The following B3GALT1 variants were observed in gnomAD, a reference collection of about 807,000 sequenced individuals.
The protein encoded by B3GALT1 is UDP-Gal:betaGlcNAc beta 1,3-galactosyltransferase, polypeptide 1.
B3GALT1 carries 10 observed loss-of-function variants against 23.2 expected under a neutral mutation model. That is an observed-to-expected ratio of 0.43 (90% confidence interval 0.27 to 0.73). The LOEUF (loss-of-function observed/expected upper bound fraction) is 0.73. Ranked by LOEUF, B3GALT1 falls within the 30% of genes least tolerant of loss-of-function variation. The pLI is 0.21. For missense variants in B3GALT1, 299 were observed against 405.4 expected (o/e 0.74, Z 2.25); for synonymous variants, 156 against 141.5 (o/e 1.10, Z -0.73).
intron 1 of B3GALT1, among the ~76,000 whole-genome samples, chr2:167,470,878 C>T (rs1169812282): frequency 6.6e-6 from 1 of 152,160 alleles, no homozygotes; most frequent in Non-Finnish European, 1.5e-5. Flanking sequence ...ATACCTTGAT[C>T]AATTTCATAT....
At chr2:167,706,544 C>G (rs1686969950) in intron 3 of B3GALT1, among the ~76,000 whole-genome samples, 1 of 152,188 alleles carries the variant, frequency 6.6e-6, no homozygotes, top group African/African-American at 2.4e-5. Context: ...ATACACACTC[C>G]TCAATGGTGA....
At chr2:167,294,281 A>C (rs1270509133) in intron 1 of B3GALT1, among the ~76,000 whole-genome samples, 1 of 152,224 alleles carries the variant, frequency 6.6e-6, no homozygotes, top group Non-Finnish European at 1.5e-5. Flanking sequence ...GACAAAGTTC[A>C]GGCCCGCTGG....
At chr2:167,811,310 C>T (rs1688884984) in intron 3 of B3GALT1, among the ~76,000 whole-genome samples, 1 of 152,214 alleles carries the variant, frequency 6.6e-6, no homozygotes, top group Non-Finnish European at 1.5e-5. Context: ...TCTCTTTCTA[C>T]TCATGGCATT....
Position 167,415,415 on chromosome 2 carries a change from A to C in B3GALT1, c.-510-74762A>C, listed in dbSNP as rs556955439. 3.9e-5 allele frequency among the ~76,000 whole-genome samples: 6 copies of C among 152,192 alleles called. No individual in the cohort carries two copies. The South Asian group carries it at 1.2e-3, about 32-fold the overall frequency. On this transcript the variant is annotated intron_variant, in intron 1 of 4. Transcript: ENST00000392690. ...TTAGCTTCTATAACTGGGAGAAGTA[A>C]ATTTCTTTTATTCATAAATTACCCA...
At chr2:167,559,786 C>T (rs1053594061) in intron 2 of B3GALT1, among the ~76,000 whole-genome samples, 14 of 152,130 alleles carry the variant, frequency 9.2e-5, no homozygotes, top group Admixed American at 2.0e-4. Flanking sequence ...ACAAAGCCTC[C>T]AAGAAATATG....
At chr2:167,645,551 T>A (rs1685733913) in intron 2 of B3GALT1, among the ~76,000 whole-genome samples, 1 of 112,600 alleles carries the variant, frequency 8.9e-6, no homozygotes, top group Non-Finnish European at 1.8e-5. Context: ...CCACTGCCAA[T>A]AATTTTTTTT....
chr2:167,524,759 A>G lies in B3GALT1; in HGVS notation c.-410+34482A>G, dbSNP rs542456007. 5.9e-5 allele frequency among the ~76,000 whole-genome samples: 9 copies of G among 152,344 alleles called. No homozygotes were observed. The South Asian group carries it at 1.9e-3, about 32-fold the overall frequency. On this transcript the variant is annotated intron_variant, in intron 2 of 4. Transcript: ENST00000392690. ...TAATTTCTTTGCAAGAGAGAGGCAG[A>G]GAGAAAGCTCACAAGTATATATTGT...
intron 1 of B3GALT1, among the ~76,000 whole-genome samples, chr2:167,327,487 G>A (rs1696913610): frequency 1.3e-5 from 2 of 151,926 alleles, no homozygotes; most frequent in South Asian, 2.1e-4. Flanking sequence ...TAAAACTATT[G>A]TAAATGGTAT....
intron 3 of B3GALT1, among the ~76,000 whole-genome samples, chr2:167,808,565 A>G (rs1346357326): frequency 1.3e-5 from 2 of 151,922 alleles, no homozygotes; most frequent in Non-Finnish European, 2.9e-5. Context: ...CTGGATATGA[A>G]ATTCTGGGTT....
chr2:167,371,909 G>T (rs915748425), intron 1 of B3GALT1, among the ~76,000 whole-genome samples: 1 of 151,658 alleles, frequency 6.6e-6, no homozygotes, highest in South Asian at 2.1e-4. Flanking sequence ...AAAGGGAGTT[G>T]ATCGTATAAC....
intron 1 of B3GALT1, among the ~76,000 whole-genome samples, chr2:167,386,463 T>A (rs1329235384): frequency 1.8e-4 from 28 of 152,194 alleles, no homozygotes; most frequent in Admixed American, 1.8e-3. Flanking sequence ...AACCCAGGAA[T>A]ATGTTTTCAA....
At chr2:167,841,574 A>C (rs1355357891) in intron 4 of B3GALT1, among the ~76,000 whole-genome samples, 1 of 152,242 alleles carries the variant, frequency 6.6e-6, no homozygotes, top group East Asian at 1.9e-4. Flanking sequence ...CCTGAGCAGC[A>C]TCTGTGAAAT....
At chr2:167,830,461 G>C (rs549786798) in intron 4 of B3GALT1, among the ~76,000 whole-genome samples, 1 of 151,794 alleles carries the variant, frequency 6.6e-6, no homozygotes, top group Admixed American at 6.6e-5. Context: ...AGGCTTTCAC[G>C]TGAAAAGTTT....
intron 2 of B3GALT1, among the ~76,000 whole-genome samples, chr2:167,534,280 T>C (rs1683379490): frequency 6.6e-6 from 1 of 152,194 alleles, no homozygotes; most frequent in Non-Finnish European, 1.5e-5. Flanking sequence ...TATTCTGTCA[T>C]CTACATCTCG....
chr2:167,388,631 G>A (rs1697964786), intron 1 of B3GALT1, among the ~76,000 whole-genome samples: 1 of 152,166 alleles, frequency 6.6e-6, no homozygotes, highest in Non-Finnish European at 1.5e-5. Context: ...ACCCTTGGTA[G>A]CCAAGGTTCT....
At chr2:167,334,136 CAGTTCAACACATAATTT>C (rs1301993939) in intron 1 of B3GALT1, among the ~76,000 whole-genome samples, 3 of 152,136 alleles carry the variant, frequency 2.0e-5, no homozygotes, top group African/African-American at 7.2e-5. Flanking sequence ...CAACACACTG[CAGTTCAACACATAATTT>C]AGTTAATTAT....
intron 2 of B3GALT1, among the ~76,000 whole-genome samples, chr2:167,552,998 G>A (rs2105382103): frequency 6.6e-6 from 1 of 151,958 alleles, no homozygotes; most frequent in South Asian, 2.1e-4. Flanking sequence ...GAATGTGTTG[G>A]TACACATCTT....
chr2:167,552,597 A>G, intron 2 of B3GALT1, among the ~76,000 whole-genome samples: 1 of 152,126 alleles, frequency 6.6e-6, no homozygotes, highest in East Asian at 1.9e-4. Context: ...TGTTACTATT[A>G]TTAACACTTT....
At chr2:167,698,072 A>G (rs1160249282) in intron 3 of B3GALT1, among the ~76,000 whole-genome samples, 2 of 152,200 alleles carry the variant, frequency 1.3e-5, no homozygotes, top group Non-Finnish European at 2.9e-5. Flanking sequence ...GACCATGTTT[A>G]TTTATGCCAG....
Sources: allele counts gnomAD v4.1 joint callset (sites outside exome capture counted in the v4.1 genomes callset), GRCh38; gene constraint gnomAD v4.1.1; transcripts MANE v1.5; gene names NCBI Gene and HGNC (gene_info 2026-07-23, HGNC 2026-07-21).